The following ALOX5 variants were observed in gnomAD, a reference collection of about 807,000 sequenced individuals.
ALOX5 encodes the protein arachidonate 5-lipoxygenase, also known as polyunsaturated fatty acid 5-lipoxygenase.
ALOX5 carries 64 observed loss-of-function variants against 87.9 expected under a neutral mutation model. That is an observed-to-expected ratio of 0.73 (90% confidence interval 0.60 to 0.90). The LOEUF (loss-of-function observed/expected upper bound fraction) is 0.90. Among genes scored for constraint, ALOX5 ranks in the 40% least tolerant of loss-of-function variants. The probability of loss-of-function intolerance (pLI) is 0.00; values close to 1 mark genes in which losing one functional copy is unlikely to be tolerated. For synonymous variants in ALOX5, 388 were observed against 355.1 expected, an observed-to-expected ratio of 1.09 and a Z score of -1.04; for missense variants, 822 against 907.5, an observed-to-expected ratio of 0.91 and a Z score of 1.21.
chr10:45,398,016 G>A (rs898800821), intron 3 of ALOX5, among the ~76,000 whole-genome samples: 11 of 152,142 alleles, frequency 7.2e-5, no homozygotes, highest in African/African-American at 2.7e-4. Context: ...TATGGAAATG[G>A]AAGGGACCCA....
intron 1 of ALOX5, among the ~76,000 whole-genome samples, chr10:45,381,608 G>C (rs947694271): frequency 6.6e-6 from 1 of 152,246 alleles, no homozygotes; most frequent in Non-Finnish European, 1.5e-5. Context: ...GCTATCCCAT[G>C]TGGGGGCAGC....
At chr10:45,377,804 T>C (rs1488995021) in intron 1 of ALOX5, among the ~76,000 whole-genome samples, 1 of 152,218 alleles carries the variant, frequency 6.6e-6, no homozygotes, top group Non-Finnish European at 1.5e-5. Flanking sequence ...GAAAGACAGA[T>C]GAAAACTTTC....
chr10:45,442,817 T>TC, intron 9 of ALOX5: 1 of 567,462 alleles, frequency 1.8e-6, no homozygotes, highest in Non-Finnish European at 3.1e-6. Flanking sequence ...CACGGTTCAG[T>TC]CCCTTGCATT....
chr10:45,440,648 C>T lies in ALOX5; in HGVS notation c.1185+15C>T, dbSNP rs182656507. 1.2e-3 allele frequency: 1,920 copies of T among 1,612,628 alleles called. 3 individuals carry two copies. Among genetic ancestry groups the T allele is most frequent in the Admixed American group, 2.3e-3 (140 of 59,882 alleles). ...CCATTTTCAAGGTACAGCCAGCTAC[C>T]GCCCCACCTGCTATGGGAGGGCATC... On this transcript the variant is annotated intron_variant, in intron 8 of 13. Transcript: ENST00000374391.
intron 3 of ALOX5, among the ~76,000 whole-genome samples, chr10:45,407,671 A>G (rs1221059333): frequency 6.6e-6 from 1 of 152,226 alleles, no homozygotes; most frequent in Non-Finnish European, 1.5e-5. Flanking sequence ...ATAAGATGAC[A>G]TAAACAAATG....
intron 2 of ALOX5, among the ~76,000 whole-genome samples, chr10:45,394,763 AAAAC>A (rs545315679): frequency 0.01 from 1,565 of 152,346 alleles, 20 homozygotes; most frequent in African/African-American, 0.035. Flanking sequence ...TTACAAGAAA[AAAAC>A]AAACAACCCC....
chr10:45,431,209 T>A (rs1205662485), intron 7 of ALOX5, among the ~76,000 whole-genome samples: 2 of 152,192 alleles, frequency 1.3e-5, no homozygotes, highest in African/African-American at 4.8e-5. Flanking sequence ...ATGATAAAGA[T>A]AGCTAACATC....
At chr10:45,417,579 G>T (rs905991580) in intron 4 of ALOX5, among the ~76,000 whole-genome samples, 3 of 152,192 alleles carry the variant, frequency 2.0e-5, no homozygotes, top group African/African-American at 7.2e-5. Context: ...CATCTCTCAA[G>T]ACAGTGGGAG....
intron 3 of ALOX5, among the ~76,000 whole-genome samples, chr10:45,400,116 C>T (rs1408582703): frequency 6.6e-6 from 1 of 152,140 alleles, no homozygotes; most frequent in East Asian, 1.9e-4. Context: ...ACAATATGAC[C>T]CAGCAATTCT....
intron 5 of ALOX5, 108 bp downstream of exon 5, chr10:45,424,255 G>A (rs1367039667): frequency 1.1e-6 from 1 of 950,172 alleles, no homozygotes; most frequent in Non-Finnish European, 1.7e-6. Flanking sequence ...GCTGCAGCAT[G>A]GGGGCCTCGC....
intron 3 of ALOX5, among the ~76,000 whole-genome samples, chr10:45,396,711 C>T (rs576986669): frequency 1.3e-5 from 2 of 152,286 alleles, no homozygotes; most frequent in South Asian, 4.1e-4. Flanking sequence ...AGGAACACTT[C>T]CCAATTCATT....
intron 8 of ALOX5, 62 bp from the exon 9 acceptor site, chr10:45,441,281 TC>T: frequency 6.8e-7 from 1 of 1,467,270 alleles, no homozygotes; most frequent in Non-Finnish European, 9.5e-7. Context: ...GAGCTGCGGG[TC>T]CCTGAGGCAC....
chr10:45,435,111 C>T lies in ALOX5; in HGVS notation c.982-5319C>T, dbSNP rs544191525. Reference sequence around the variant, plus strand: ...GATGTGAAGGATGGGTTGGGGAAGGCCCAGCTCAGTGGTACAAGAGCTCAA... The same window carrying T: ...GATGTGAAGGATGGGTTGGGGAAGGTCCAGCTCAGTGGTACAAGAGCTCAA... On this transcript the variant is annotated intron_variant, in intron 7 of 13. Transcript: ENST00000374391. Among the ~76,000 whole-genome samples the T allele has an allele frequency of 2.0e-5, 3 of 152,248 alleles. No individual in the cohort carries two copies. In the East Asian group the frequency reaches 5.8e-4, roughly 29 times the overall value.
At chr10:45,387,339 A>G (rs184150658) in intron 2 of ALOX5, among the ~76,000 whole-genome samples, 1 of 152,314 alleles carries the variant, frequency 6.6e-6, no homozygotes, top group East Asian at 1.9e-4. Context: ...AAACAATGAA[A>G]TGGACTTAGA....
intron 1 of ALOX5, among the ~76,000 whole-genome samples, chr10:45,381,012 C>T (rs559204667): frequency 3.3e-5 from 5 of 152,364 alleles, no homozygotes; most frequent in African/African-American, 4.8e-5. Context: ...CATCAGAATG[C>T]GTGATGCAAT....
intron 12 of ALOX5, 85 bp downstream of exon 12, chr10:45,443,913 A>C: frequency 2.7e-6 from 4 of 1,478,880 alleles, no homozygotes; most frequent in Non-Finnish European, 3.7e-6. Flanking sequence ...CGCGTACTGC[A>C]CCCTCGGACA....
intron 7 of ALOX5, among the ~76,000 whole-genome samples, chr10:45,429,137 A>G (rs1841832689): frequency 1.3e-5 from 2 of 152,160 alleles, no homozygotes; most frequent in African/African-American, 4.8e-5. Flanking sequence ...GTCAGGAACC[A>G]GGCCAGTCCT....
In ALOX5 at chr10:45,443,696, T is replaced by G; in HGVS notation, c.1574-32T>G. 3 of 1,600,932 alleles carry G rather than the reference T, an allele frequency of 1.9e-6. No homozygotes were observed. The South Asian group carries it at 3.4e-5, about 18-fold the overall frequency. ...GCCGGGCCCTGGGGTCCTCAGGGAC[T>G]GGGCCTCAGCCCGCCGGTGGTTCCA... is the stretch of plus-strand genomic sequence containing the variant. On this transcript the variant is annotated intron_variant, in intron 11 of 13. Coordinates refer to ENST00000374391, the MANE Select transcript of ALOX5 (RefSeq NM_000698.5).
intron 4 of ALOX5, 118 bp downstream of exon 4, chr10:45,412,431 C>A: frequency 7.5e-7 from 1 of 1,340,204 alleles, no homozygotes; most frequent in Non-Finnish European, 1.0e-6. Flanking sequence ...CTAGCTGAGC[C>A]AAACGCTTTG....
Sources: gnomAD v4.1 joint callset for allele counts (sites outside exome capture counted in the v4.1 genomes callset) on GRCh38, gnomAD v4.1.1 for gene constraint, MANE v1.5 for transcripts, NCBI Gene and HGNC (gene_info 2026-07-23, HGNC 2026-07-21) for gene names.